Variants in LRFN2 observed in about 807,000 individuals in gnomAD.
LRFN2 encodes the protein leucine-rich repeat and fibronectin type-III domain-containing protein 2.
In LRFN2, 18 loss-of-function variants were observed where a neutral mutation model predicts 37.3. The ratio of observed to expected loss-of-function variants is 0.48; its 90% confidence interval spans 0.33 to 0.72. LRFN2 has a LOEUF of 0.72. LRFN2 is among the 30% of genes least tolerant of loss of function. LRFN2 has a pLI of 0.02. For synonymous variants in LRFN2, 556 were observed against 466.6 expected, an observed-to-expected ratio of 1.19 and a Z score of -2.47; for missense variants, 1,006 against 1,060.7, an observed-to-expected ratio of 0.95 and a Z score of 0.72.
At chr6:40,561,949 C>A (rs1767002659) in intron 1 of LRFN2, among the ~76,000 whole-genome samples, 1 of 152,142 alleles carries the variant, frequency 6.6e-6, no homozygotes, top group Admixed American at 6.5e-5. Flanking sequence ...AAGCAGAAAA[C>A]CATCAGTCTT....
chr6:40,580,671 A>G (rs1303609241), intron 1 of LRFN2, among the ~76,000 whole-genome samples: 2 of 152,206 alleles, frequency 1.3e-5, no homozygotes, highest in Admixed American at 6.5e-5. Context: ...ATGTATTGAC[A>G]TGCTCTCTAA....
intron 1 of LRFN2, among the ~76,000 whole-genome samples, chr6:40,471,612 A>G (rs1764597139): frequency 6.6e-6 from 1 of 152,190 alleles, no homozygotes; most frequent in Non-Finnish European, 1.5e-5. Context: ...CCAATACTAT[A>G]TTAGAAGGAT....
At chr6:40,426,742 CA>C (rs1379728405) in intron 2 of LRFN2, among the ~76,000 whole-genome samples, 1 of 152,146 alleles carries the variant, frequency 6.6e-6, no homozygotes, top group Non-Finnish European at 1.5e-5. Flanking sequence ...CTCTAATCTC[CA>C]AGGTAAACTT....
Position 40,391,904 on chromosome 6 carries a change from C to T in LRFN2, c.*39G>A. ...GCCAGTGAGATTCTTTCCCCTTCTC[C>T]CACCCTGCGCACAGGAAAGGGAGCA... On this transcript the variant is annotated 3_prime_UTR_variant, in exon 3 of 3. Transcript: ENST00000338305. 2 of 1,483,074 alleles carry T rather than the reference C, an allele frequency of 1.3e-6. No individual in the cohort carries two copies. Among genetic ancestry groups the T allele is most frequent in the Non-Finnish European group, 9.0e-7 (1 of 1,114,184 alleles). 91.9% of individuals were successfully genotyped at this position (1,483,074 alleles called of 1,614,324 possible).
chr6:40,438,779 G>A (rs768570969), intron 1 of LRFN2, among the ~76,000 whole-genome samples: 1 of 152,090 alleles, frequency 6.6e-6, no homozygotes, highest in Non-Finnish European at 1.5e-5. Context: ...GGCCTAACTG[G>A]CCCAGAAAGA....
At chr6:40,452,305 A>T (rs904944862) in intron 1 of LRFN2, among the ~76,000 whole-genome samples, 1 of 152,226 alleles carries the variant, frequency 6.6e-6, no homozygotes, top group Non-Finnish European at 1.5e-5. Context: ...CAATATCAAA[A>T]GCCCAAGGCC....
At chr6:40,401,507 G>A (rs1026774827) in intron 2 of LRFN2, among the ~76,000 whole-genome samples, 4 of 152,266 alleles carry the variant, frequency 2.6e-5, no homozygotes, top group African/African-American at 7.2e-5. Context: ...CACCGCTCTG[G>A]ACTGTTAGGA....
chr6:40,543,218 G>A (rs1044917108), intron 1 of LRFN2, among the ~76,000 whole-genome samples: 4 of 152,192 alleles, frequency 2.6e-5, no homozygotes, highest in South Asian at 2.1e-4. Context: ...GCTTTATAGC[G>A]CAGAGTCCAG....
At chr6:40,471,433 ACACC>A (rs1319709879) in intron 1 of LRFN2, among the ~76,000 whole-genome samples, 1 of 152,122 alleles carries the variant, frequency 6.6e-6, no homozygotes, top group Non-Finnish European at 1.5e-5. Flanking sequence ...GCAAAGTGTC[ACACC>A]GACTGCTGAA....
At chr6:40,554,922 G>C (rs1187854741) in intron 1 of LRFN2, among the ~76,000 whole-genome samples, 1 of 152,130 alleles carries the variant, frequency 6.6e-6, no homozygotes, top group Non-Finnish European at 1.5e-5. Context: ...GCAACATTCT[G>C]TTTCTAACAA....
intron 1 of LRFN2, among the ~76,000 whole-genome samples, chr6:40,466,298 C>T (rs756991821): frequency 2.0e-5 from 3 of 152,174 alleles, no homozygotes; most frequent in South Asian, 2.1e-4. Context: ...CCTATAAATG[C>T]GTTAAGCAAA....
At chr6:40,510,111 A>T (rs1484674760) in intron 1 of LRFN2, among the ~76,000 whole-genome samples, 1 of 127,496 alleles carries the variant, frequency 7.8e-6, no homozygotes, top group Non-Finnish European at 1.6e-5. Flanking sequence ...CAGATAAGGG[A>T]TGAGTGCGTG....
At chr6:40,466,533 C>T (rs935521662) in intron 1 of LRFN2, among the ~76,000 whole-genome samples, 5 of 152,104 alleles carry the variant, frequency 3.3e-5, no homozygotes, top group Admixed American at 2.0e-4. Context: ...TGAGATGATA[C>T]AGGCAGAAAG....
chr6:40,486,072 T>A (rs904682683), intron 1 of LRFN2, among the ~76,000 whole-genome samples: 1 of 152,064 alleles, frequency 6.6e-6, no homozygotes, highest in African/African-American at 2.4e-5. Flanking sequence ...GAAAGGAGAG[T>A]ACCCATCAGT....
At chr6:40,424,513 A>G (rs1286130620) in intron 2 of LRFN2, among the ~76,000 whole-genome samples, 1 of 152,218 alleles carries the variant, frequency 6.6e-6, no homozygotes, top group East Asian at 1.9e-4. Flanking sequence ...TAGTTTTACT[A>G]TCTATAAAAT....
chr6:40,544,449 G>A (rs1197943333), intron 1 of LRFN2, among the ~76,000 whole-genome samples: 2 of 152,200 alleles, frequency 1.3e-5, no homozygotes, highest in African/African-American at 4.8e-5. Flanking sequence ...GTGGATTTGA[G>A]TAAACAGCCA....
At position 40,555,862 on chromosome 6, in the gene LRFN2, A is replaced by T. The variant is rs187145934; in HGVS notation, c.-19+31079T>A. Among the ~76,000 whole-genome samples, 499 of 152,244 alleles carry T rather than the reference A, an allele frequency of 3.3e-3. 3 individuals are homozygous for T. Among genetic ancestry groups the T allele is most frequent in the African/African-American group, 0.011 (468 of 41,544 alleles). On this transcript the variant is annotated intron_variant, in intron 1 of 2. Coordinates refer to ENST00000338305, the MANE Select transcript of LRFN2 (RefSeq NM_020737.3). ...CCATCCCTCCCCACACCGCTCTCTG[A>T]CATGCACAATGTCCATATAATTTCT...
intron 2 of LRFN2, among the ~76,000 whole-genome samples, chr6:40,413,989 T>G (rs1294749711): frequency 1.3e-5 from 2 of 152,164 alleles, no homozygotes; most frequent in East Asian, 3.9e-4. Flanking sequence ...TGGCCTCTAT[T>G]TTGAAGACAT....
At chr6:40,575,530 C>A (rs1466039193) in intron 1 of LRFN2, among the ~76,000 whole-genome samples, 1 of 152,168 alleles carries the variant, frequency 6.6e-6, no homozygotes, top group Non-Finnish European at 1.5e-5. Context: ...GATATTGGGG[C>A]CCTAACCATC....
Sources: gnomAD v4.1 joint callset for allele counts (sites outside exome capture counted in the v4.1 genomes callset) on GRCh38, gnomAD v4.1.1 for gene constraint, MANE v1.5 for transcripts, NCBI Gene and HGNC (gene_info 2026-07-23, HGNC 2026-07-21) for gene names.